Variants in EYS observed in about 807,000 individuals in gnomAD.
EYS encodes protein eyes shut homolog.
Under a neutral mutation model 282.1 loss-of-function variants are expected in EYS, and 250 were observed. The observed-to-expected ratio is 0.89, with a 90% CI of 0.80 to 0.98. The LOEUF is 0.98. EYS is among the 50% of genes least tolerant of loss of function. The pLI, the probability that EYS is intolerant of heterozygous loss-of-function variation, is 0.00. For missense variants in EYS, 4,016 were observed against 3,709.0 expected (o/e 1.08, Z -2.15); for synonymous variants, 1,355 against 1,282.9 (o/e 1.06, Z -1.20).
intron 22 of EYS, among the ~76,000 whole-genome samples, chr6:64,647,351 CAT>C (rs748413323): frequency 6.6e-6 from 1 of 152,070 alleles, no homozygotes; most frequent in Non-Finnish European, 1.5e-5. Flanking sequence ...CACACACACA[CAT>C]ATTGAGAGAG....
intron 22 of EYS, among the ~76,000 whole-genome samples, chr6:64,647,550 A>G (rs1357608252): frequency 6.6e-6 from 1 of 152,206 alleles, no homozygotes; most frequent in Non-Finnish European, 1.5e-5. Flanking sequence ...ACTACAAAGG[A>G]AAGATGCTTT....
intron 36 of EYS, among the ~76,000 whole-genome samples, chr6:63,848,725 G>A (rs761867592): frequency 6.6e-6 from 1 of 152,050 alleles, no homozygotes; most frequent in African/African-American, 2.4e-5. Context: ...ACATCACCAG[G>A]GCCCTGGGTT....
chr6:64,436,911 A>C (rs1312963407), intron 27 of EYS, among the ~76,000 whole-genome samples: 2 of 151,744 alleles, frequency 1.3e-5, no homozygotes, highest in Admixed American at 6.6e-5. Context: ...TATTGTGTCT[A>C]TTCTTTCCCA....
intron 36 of EYS, chr6:63,822,120 T>A (rs1771341142): frequency 6.6e-6 from 1 of 152,246 alleles, no homozygotes; most frequent in African/African-American, 2.4e-5. Flanking sequence ...AAGTTTTTTA[T>A]TTTTATTTTT....
chr6:63,763,404 A>C (rs1000221671), intron 40 of EYS, among the ~76,000 whole-genome samples: 13 of 152,090 alleles, frequency 8.5e-5, no homozygotes, highest in Admixed American at 2.6e-4. Context: ...TAAGTTAAAT[A>C]ATAACTTTTC....
chr6:63,811,885 T>A (rs949464940), intron 36 of EYS, among the ~76,000 whole-genome samples: 3 of 152,218 alleles, frequency 2.0e-5, no homozygotes. Flanking sequence ...ACGAATATGT[T>A]AACTTCATCT....
chr6:64,113,501 C>T lies in EYS; in HGVS notation c.6425-31499G>A, dbSNP rs563376568. 2.3e-3 allele frequency among the ~76,000 whole-genome samples: 347 copies of T among 152,038 alleles called. 1 individual carries two copies. Among genetic ancestry groups the T allele is most frequent in the African/African-American group, 7.7e-3 (320 of 41,490 alleles). On this transcript the variant is annotated intron_variant, in intron 31 of 42. Coordinates refer to ENST00000503581, the MANE Select transcript of EYS (RefSeq NM_001142800.2). ...AATCTCTAGTTTACAGTATTTACTC[C>T]GTAAATAACAGATATGACTTTTGCA...
chr6:64,349,643 G>T (rs761846822), intron 29 of EYS, among the ~76,000 whole-genome samples: 14 of 148,928 alleles, frequency 9.4e-5, no homozygotes, highest in Non-Finnish European at 1.8e-4. Context: ...TAAAAATAAA[G>T]GAATGTTATT....
intron 1 of EYS, among the ~76,000 whole-genome samples, chr6:65,646,049 T>TA (rs1338623747): frequency 6.6e-6 from 1 of 151,816 alleles, no homozygotes; most frequent in Non-Finnish European, 1.5e-5. Flanking sequence ...AATTCCCAGC[T>TA]AAAAAAAGTG....
chr6:64,941,647 T>C (rs2150093248), intron 15 of EYS, among the ~76,000 whole-genome samples: 1 of 152,180 alleles, frequency 6.6e-6, no homozygotes, highest in East Asian at 1.9e-4. Flanking sequence ...TGTTTATTAC[T>C]GCCCTCTTTA....
chr6:65,373,248 T>C (rs1467841967), intron 8 of EYS, among the ~76,000 whole-genome samples: 1 of 152,196 alleles, frequency 6.6e-6, no homozygotes, highest in Non-Finnish European at 1.5e-5. Context: ...TGTTTCAATT[T>C]ATCCCTGGGC....
In EYS at chr6:65,707,182, A is replaced by G. The variant is rs886061688; in HGVS notation, c.-495T>C. 3 of 152,282 alleles carry G rather than the reference A, an allele frequency of 2.0e-5. No individual in the cohort carries two copies. The highest frequency in any genetic ancestry group is 2.0e-4 in the Admixed American group (3 of 15,284). The allele number at this position is 152,282 out of a possible 1,614,324, so 9.4% of individuals were successfully genotyped here. ...TTGCAACCCTAGGAGGCTTCTGATT[A>G]CGGTTAATGTCTGGACATGCCTAGC... On this transcript the variant is annotated 5_prime_UTR_variant, in exon 1 of 43. Transcript: ENST00000503581.
intron 5 of EYS, among the ~76,000 whole-genome samples, chr6:65,446,463 A>C (rs1354956151): frequency 2.0e-5 from 3 of 151,878 alleles, no homozygotes; most frequent in African/African-American, 4.8e-5. Flanking sequence ...GAAGAGGTAC[A>C]ATCCTCTGTT....
chr6:64,968,430 C>T (rs1770174390), intron 14 of EYS, among the ~76,000 whole-genome samples: 1 of 152,152 alleles, frequency 6.6e-6, no homozygotes, highest in Non-Finnish European at 1.5e-5. Flanking sequence ...TGAGTTTCTT[C>T]ATTTACAAAT....
chr6:64,491,526 G>A (rs1162141102), intron 26 of EYS, among the ~76,000 whole-genome samples: 1 of 150,860 alleles, frequency 6.6e-6, no homozygotes, highest in East Asian at 1.9e-4. Flanking sequence ...GCAAATAATA[G>A]CTAACAAAAA....
At position 65,052,689 on chromosome 6, in the gene EYS, A is replaced by T. The variant is rs190336096; in HGVS notation, c.2137+4925T>A. On this transcript the variant is annotated intron_variant, in intron 13 of 42. Transcript: ENST00000503581. ...GGAAAGTGAAAACTCATTTTTACAT[A>T]TTAAAATTTTTGTTCATTTCTGAAG... Among the ~76,000 whole-genome samples the T allele has an allele frequency of 3.8e-4, 58 of 151,780 alleles. No individual in the cohort carries two copies. The East Asian group carries it at 0.011, about 29-fold the overall frequency.
At chr6:65,477,347 T>C (rs750949213) in intron 5 of EYS, among the ~76,000 whole-genome samples, 1 of 152,168 alleles carries the variant, frequency 6.6e-6, no homozygotes, top group Non-Finnish European at 1.5e-5. Context: ...ACCTGTTTAG[T>C]TGAACAAAGA....
At chr6:65,188,865 G>A (rs370807948) in intron 12 of EYS, among the ~76,000 whole-genome samples, 1 of 151,264 alleles carries the variant, frequency 6.6e-6, no homozygotes, top group African/African-American at 2.4e-5. Flanking sequence ...TTGTTTCTTA[G>A]GGGCTTCAGA....
chr6:65,135,606 A>G (rs1419981949), intron 12 of EYS, among the ~76,000 whole-genome samples: 1 of 152,040 alleles, frequency 6.6e-6, no homozygotes. Flanking sequence ...TCTGCTAAAC[A>G]CTTACAAGTC....
Sources: gnomAD v4.1 joint callset for allele counts (sites outside exome capture counted in the v4.1 genomes callset) on GRCh38, gnomAD v4.1.1 for gene constraint, MANE v1.5 for transcripts, NCBI Gene and HGNC (gene_info 2026-07-23, HGNC 2026-07-21) for gene names.